LATS2: variants seen among roughly 807,000 people sequenced by gnomAD.
LATS2 encodes the protein serine/threonine-protein kinase LATS2.
Under a neutral mutation model 76.0 loss-of-function variants are expected in LATS2, and 24 were observed. The ratio of observed to expected loss-of-function variants is 0.32; its 90% CI spans 0.23 to 0.44. The LOEUF (loss-of-function observed/expected upper bound fraction) is 0.44, where lower values mean the gene tolerates loss of function less well. Among genes scored for constraint, LATS2 ranks in the 20% least tolerant of loss-of-function variants. The pLI is 1.00. For synonymous variants in LATS2, 692 were observed against 635.4 expected, an observed-to-expected ratio of 1.09 and a Z score of -1.34; for missense variants, 1,286 against 1,481.2, an observed-to-expected ratio of 0.87 and a Z score of 2.16.
At chr13:20,984,051 C>A (rs1254962232) in intron 4 of LATS2, among the ~76,000 whole-genome samples, 1 of 152,210 alleles carries the variant, frequency 6.6e-6, no homozygotes. Flanking sequence ...CTGTCTCAGC[C>A]TCCCGAGTAG....
In LATS2 at chr13:20,988,705, G is replaced by A. The variant is rs1302725074; in HGVS notation, c.1075C>T (p.Leu359=). ...TPSRNSLNVD[L]YELGSTSVQQ... ...ACGGAGGTGCTGCCCAATTCATACA[G>A]GTCCACGTTGAGGCTGTTCCGCGAG... is the stretch of plus-strand genomic sequence containing the variant. The change falls in exon 4 of 8, where the codon CTG becomes TTG. Residue 359 remains leucine (L), a synonymous_variant. Coordinates refer to ENST00000382592, the MANE Select transcript of LATS2 (RefSeq NM_014572.3). The A allele has an allele frequency of 2.6e-6, 4 of 1,567,540 alleles. No homozygotes were observed. Among genetic ancestry groups the A allele is most frequent in the South Asian group, 1.2e-5 (1 of 85,656 alleles).
At chr13:20,995,887 A>G (rs558817250) in intron 2 of LATS2, among the ~76,000 whole-genome samples, 1 of 152,358 alleles carries the variant, frequency 6.6e-6, no homozygotes, top group South Asian at 2.1e-4. Flanking sequence ...TTACAGAGTA[A>G]TGTGGTAGGC....
chr13:21,057,635 TA>T lies in LATS2; in HGVS notation c.-205+3710del, dbSNP rs548607717. 2.9e-3 allele frequency among the ~76,000 whole-genome samples: 415 copies of T among 142,238 alleles called. 1 individual carries two copies. The highest frequency in any genetic ancestry group is 7.2e-3 in the Middle Eastern group (2 of 276). 93.3% of individuals were successfully genotyped at this position (142,238 alleles called of 152,430 possible). A position where few individuals can be genotyped will look rare whatever the true frequency, so the allele number is the denominator to read the frequency against. Reference sequence around the variant, plus strand: ...GGTGAAACCCCGTCTCTACTAAAAGTAAAAAAAAAAAAAAATTAGCTGGGCA... The same window carrying T: ...GGTGAAACCCCGTCTCTACTAAAAGTAAAAAAAAAAAAAATTAGCTGGGCA... On this transcript the variant is annotated intron_variant, in intron 1 of 7. Coordinates refer to ENST00000382592, the MANE Select transcript of LATS2 (RefSeq NM_014572.3).
intron 2 of LATS2, among the ~76,000 whole-genome samples, chr13:21,020,151 T>C (rs146066011): frequency 0.01 from 1,582 of 151,948 alleles, 26 homozygotes; most frequent in African/African-American, 0.036. Context: ...TCACATAAAA[T>C]ATACCTGAAA....
At chr13:20,994,387 T>G (rs924039553) in intron 2 of LATS2, among the ~76,000 whole-genome samples, 1 of 152,186 alleles carries the variant, frequency 6.6e-6, no homozygotes, top group African/African-American at 2.4e-5. Flanking sequence ...AGAGCTATGT[T>G]TTAAACACTG....
chr13:21,048,603 G>A (rs940639761), intron 1 of LATS2, among the ~76,000 whole-genome samples: 5 of 152,204 alleles, frequency 3.3e-5, no homozygotes, highest in East Asian at 1.9e-4. Flanking sequence ...AGGTCAAGGC[G>A]GGCGGATCAT....
In LATS2 at chr13:20,991,293, C is replaced by T; in HGVS notation, c.454G>A (p.Val152Ile). 6.2e-7 allele frequency: 1 copy of T among 1,614,194 alleles called. No homozygotes were observed. Among genetic ancestry groups the T allele is most frequent in the Non-Finnish European group, 8.5e-7 (1 of 1,180,030 alleles). ...LDPRNEQIVRVIKQTSPGKGL... is the reference protein window; with the variant it reads ...LDPRNEQIVRIIKQTSPGKGL... ...TCACCTGGGGAGGTCTGCTTAATGA[C>T]CCGCACAATCTGCTCATTCCTCGGG... The change falls in exon 3 of 8, where the codon GTC becomes ATC. Residue 152 changes from valine (V) to isoleucine (I), a missense_variant. Transcript: ENST00000382592. This position sits in a 1 kb window ranked among gnomAD's most constrained non-coding sequence, Gnocchi z 4.9.
At position 21,039,530 on chromosome 13, in the gene LATS2, G is replaced by C. The variant is rs533923229; in HGVS notation, c.342+6155C>G. Among the ~76,000 whole-genome samples the C allele has an allele frequency of 1.1e-4, 17 of 152,256 alleles. No individual in the cohort carries two copies. The South Asian group carries it at 3.5e-3, about 32-fold the overall frequency. On this transcript the variant is annotated intron_variant, in intron 2 of 7. Coordinates refer to ENST00000382592, the MANE Select transcript of LATS2 (RefSeq NM_014572.3). ...TATCCCGAGGAGATCTGCATTTCTG[G>C]TTAGCATCTTTTCCAGTGTCTGACA...
At chr13:21,020,329 T>C (rs1872005892) in intron 2 of LATS2, among the ~76,000 whole-genome samples, 1 of 152,156 alleles carries the variant, frequency 6.6e-6, no homozygotes, top group Non-Finnish European at 1.5e-5. Context: ...ATTATCCTAT[T>C]ATTTGCCATT....
chr13:21,052,893 C>T (rs1046775360), intron 1 of LATS2, among the ~76,000 whole-genome samples: 1 of 152,068 alleles, frequency 6.6e-6, no homozygotes, highest in Non-Finnish European at 1.5e-5. Context: ...TCAAAGGCAC[C>T]GATGCTTCCT....
At chr13:21,000,169 T>C (rs1390502890) in intron 2 of LATS2, among the ~76,000 whole-genome samples, 2 of 152,048 alleles carry the variant, frequency 1.3e-5, no homozygotes, top group Non-Finnish European at 1.5e-5. Context: ...ATCACAAAGT[T>C]AGGAGATCGA....
Position 21,007,598 on chromosome 13 carries a change from ATATAGTGT to A in LATS2, c.343-16202_343-16195del, listed in dbSNP as rs1201120672. 9.3e-3 allele frequency among the ~76,000 whole-genome samples: 68 copies of A among 7,334 alleles called. 18 individuals carry two copies. The highest frequency in any genetic ancestry group is 0.025 in the African/African-American group (26 of 1,030). 4.8% of individuals were successfully genotyped at this position (7,334 alleles called of 152,430 possible). ...ATATATATATATATAGTATATATAT[ATATAGTGT>A]GTATATATATATATAGTGTATATAT... On this transcript the variant is annotated intron_variant, in intron 2 of 7. Transcript: ENST00000382592.
intron 1 of LATS2, among the ~76,000 whole-genome samples, chr13:21,048,983 C>CA (rs1565966030): frequency 6.6e-6 from 1 of 151,980 alleles, no homozygotes; most frequent in African/African-American, 2.4e-5. Context: ...TAAACAACTT[C>CA]AAAAAAAGAG....
At chr13:21,009,732 C>T (rs531125144) in intron 2 of LATS2, among the ~76,000 whole-genome samples, 41 of 152,264 alleles carry the variant, frequency 2.7e-4, no homozygotes, top group African/African-American at 8.7e-4. Flanking sequence ...ACATAACAGA[C>T]GACAATACAC....
rs1257926108 is a variant in LATS2, at chr13:20,983,293, T to C, written c.2413A>G (p.Ile805Val). ...DNILIDLDGH[I>V]KLTDFGLCTG... ...CAGAGGCCGAAATCTGTGAGTTTAA[T>C]GTGACCATCCAGATCTATCAAAATG... Residue 805 changes from isoleucine to valine, a missense_variant, in exon 5 of 8, where the codon ATT becomes GTT. Around this residue, in one of 5 missense-constraint regions of LATS2, gnomAD observed 247 missense variants for 385.4 expected, o/e 0.64. Transcript: ENST00000382592. 15 of 1,613,968 alleles carry C rather than the reference T, an allele frequency of 9.3e-6. No homozygotes were observed. The highest frequency in any genetic ancestry group is 2.7e-5 in the African/African-American group (2 of 74,898).
chr13:21,045,766 A>G lies in LATS2; in HGVS notation c.261T>C (p.Phe87=). Reference sequence around the variant, plus strand: ...CTGCAGAGGTGCCCGATTCATTAGCAAAAGGCAACAAGGAATATCTGATTT... The same window carrying G: ...CTGCAGAGGTGCCCGATTCATTAGCGAAAGGCAACAAGGAATATCTGATTT... ...LREIRYSLLP[F]ANESGTSAAA... The change falls in exon 2 of 8, where the codon TTT becomes TTC. Residue 87 remains phenylalanine (F), a synonymous_variant. Transcript: ENST00000382592. 2 of 1,614,198 alleles carry G rather than the reference A, an allele frequency of 1.2e-6. No homozygotes were observed. The highest frequency in any genetic ancestry group is 8.5e-7 in the Non-Finnish European group (1 of 1,180,036).
intron 2 of LATS2, among the ~76,000 whole-genome samples, chr13:21,021,024 ATTTAT>A (rs1311549360): frequency 3.9e-5 from 6 of 152,166 alleles, no homozygotes; most frequent in Non-Finnish European, 5.9e-5. Flanking sequence ...GCTGTCTGGG[ATTTAT>A]TTTAAGAGTC....
chr13:20,996,697 A>G (rs1284734526), intron 2 of LATS2, among the ~76,000 whole-genome samples: 1 of 152,068 alleles, frequency 6.6e-6, no homozygotes, highest in Non-Finnish European at 1.5e-5. Context: ...AAGATTCTGG[A>G]TACTTTGAAG....
At chr13:20,975,761 GCAAC>G (rs1869591221) in intron 7 of LATS2, among the ~76,000 whole-genome samples, 2 of 152,088 alleles carry the variant, frequency 1.3e-5, no homozygotes, top group South Asian at 4.2e-4. Flanking sequence ...TTGGCTCACT[GCAAC>G]CTCCGCCTCC....
Sources: allele counts gnomAD v4.1 joint callset (sites outside exome capture counted in the v4.1 genomes callset), GRCh38; gene constraint gnomAD v4.1.1; regional missense constraint gnomAD v4.1.1; non-coding constraint Gnocchi (gnomAD v3.1); transcripts MANE v1.5; gene names NCBI Gene and HGNC (gene_info 2026-07-23, HGNC 2026-07-21).